CATSPERG: variants seen among roughly 807,000 people sequenced by gnomAD.
The protein encoded by CATSPERG is cation channel sperm-associated auxiliary subunit gamma.
CATSPERG carries 115 observed loss-of-function variants against 145.0 expected under a neutral mutation model. That is an observed-to-expected ratio of 0.79 (90% confidence interval 0.68 to 0.93). The LOEUF is 0.93. CATSPERG is among the 40% of genes least tolerant of loss of function. The pLI, the probability that CATSPERG is intolerant of heterozygous loss-of-function variation, is 0.00. For missense variants in CATSPERG, 1,296 were observed against 1,490.1 expected (o/e 0.87, Z 2.14); for synonymous variants, 588 against 589.0 (o/e 1.00, Z 0.02).
intron 20 of CATSPERG, among the ~76,000 whole-genome samples, chr19:38,364,287 G>C (rs1230743653): frequency 2.0e-5 from 3 of 152,084 alleles, no homozygotes; most frequent in Admixed American, 6.5e-5. Flanking sequence ...TTCTCAGACA[G>C]GGCGGCTGGG....
chr19:38,362,582 CG>C lies in CATSPERG; in HGVS notation c.2356+11del. ...GGACGCAGTCAGAACTCGGTCTGCG[CG>C]GGACCAGAGTGGAGCCCGAAGGGCG... On this transcript the variant is annotated intron_variant, in intron 19 of 28. Transcript: ENST00000409235. The C allele has an allele frequency of 6.2e-7, 1 of 1,612,586 alleles. No homozygotes were observed. The highest frequency in any genetic ancestry group is 8.5e-7 in the Non-Finnish European group (1 of 1,179,456).
At chr19:38,349,506 GTC>G (rs764178853) in intron 7 of CATSPERG, 3 of 152,216 alleles carry the variant, frequency 2.0e-5, no homozygotes, top group Admixed American at 6.6e-5. Context: ...CCCTGCTCCT[GTC>G]TCTCTCCACC....
chr19:38,357,976 A>C, intron 11 of CATSPERG: 1 of 300,382 alleles, frequency 3.3e-6, no homozygotes, highest in Non-Finnish European at 6.2e-6. Flanking sequence ...TTAGCTGGGC[A>C]TGGTGGTGGT....
intron 13 of CATSPERG, among the ~76,000 whole-genome samples, chr19:38,359,084 A>G (rs993293553): frequency 2.0e-5 from 3 of 152,194 alleles, no homozygotes; most frequent in Admixed American, 1.3e-4. Context: ...TCTTGACCTC[A>G]GGTGATCCTC....
intron 6 of CATSPERG, among the ~76,000 whole-genome samples, chr19:38,344,766 C>T (rs1202914283): frequency 8.1e-6 from 1 of 122,906 alleles, no homozygotes; most frequent in Middle Eastern, 4.2e-3. Context: ...ATAGTACATA[C>T]CTGTACATAC....
Position 38,360,752 on chromosome 19 carries a change from C to G in CATSPERG, c.1789C>G (p.Gln597Glu), listed in dbSNP as rs779808396. The G allele has an allele frequency of 1.9e-6, 3 of 1,613,986 alleles. No homozygotes were observed. In the East Asian group the frequency reaches 6.7e-5, roughly 36 times the overall value. The change falls in exon 16 of 29, where the codon CAG becomes GAG. Residue 597 changes from glutamine (Q) to glutamate (E), a missense_variant. Gln to Glu is a conservative substitution (Grantham distance 29, BLOSUM62 2). Coordinates refer to ENST00000409235, the MANE Select transcript of CATSPERG (RefSeq NM_021185.5). The part of the protein sequence containing the change: ...LYQLVYLMNN[Q>E]KGQLVKRLVP... ...GCAGCTGGTGTACCTTATGAACAACCAGAAGGGCCAGCTGGTCAAGAGGCT... is the reference window on the plus strand; with the variant it reads ...GCAGCTGGTGTACCTTATGAACAACGAGAAGGGCCAGCTGGTCAAGAGGCT...
rs145923932 is a variant in CATSPERG at position 38,337,211 on chromosome 19, C to T, written c.-14-10C>T. 3.2e-3 allele frequency: 4,960 copies of T among 1,548,548 alleles called. 17 individuals are homozygous for T. Among genetic ancestry groups the T allele is most frequent in the Non-Finnish European group, 4.1e-3 (4,662 of 1,145,526 alleles). ...TCCGGCGCGTGGGTGTTGACTCCTG[C>T]GTTCTCCAGGTTCTAGCCACGTTAT... On this transcript the variant is annotated splice_polypyrimidine_tract_variant and intron_variant, in intron 1 of 28. Transcript: ENST00000409235.
chr19:38,354,694 A>C lies in CATSPERG; in HGVS notation c.998-16A>C. On this transcript the variant is annotated splice_polypyrimidine_tract_variant and intron_variant, in intron 8 of 28. Coordinates refer to ENST00000409235, the MANE Select transcript of CATSPERG (RefSeq NM_021185.5). ...TCCAACCACCTGGGTCTGAGGCCCC[A>C]TACTGACTTCACTAGGCAGTTGGAT... 1.2e-6 allele frequency: 2 copies of C among 1,613,492 alleles called. No individual in the cohort carries two copies. The highest frequency in any genetic ancestry group is 1.7e-6 in the Non-Finnish European group (2 of 1,179,548).
intron 8 of CATSPERG, 159 bp downstream of exon 8, chr19:38,352,591 T>G: frequency 1.8e-6 from 1 of 556,684 alleles, no homozygotes. Context: ...GGCCTTGCCT[T>G]GCCCTTTTTT....
Position 38,361,672 on chromosome 19 carries a change from C to T in CATSPERG, c.1905C>T (p.Ile635=), listed in dbSNP as rs766389223. 1.9e-5 allele frequency: 31 copies of T among 1,611,208 alleles called. No individual in the cohort carries two copies. The highest frequency in any genetic ancestry group is 2.5e-5 in the Non-Finnish European group (30 of 1,179,882). ...RKGGYLMLSF[I]DFCPFSVMRL... Reference sequence around the variant, plus strand: ...GGGGCTACTTGATGCTCTCCTTCATCGACTTCTGCCCCTTCTCGGTGATGC... The same window carrying T: ...GGGGCTACTTGATGCTCTCCTTCATTGACTTCTGCCCCTTCTCGGTGATGC... The change falls in exon 17 of 29, where the codon ATC becomes ATT. Residue 635 remains isoleucine, a synonymous_variant. Transcript: ENST00000409235.
chr19:38,362,871 GTTTTTTTTTT>G, intron 20 of CATSPERG, 39 bp downstream of exon 20: 7 of 451,882 alleles, frequency 1.5e-5, no homozygotes, highest in Admixed American at 7.7e-5. Flanking sequence ...GGGAGGTTTT[GTTTTTTTTTT>G]TTTTTTTTTT....
In CATSPERG at chr19:38,370,782, T is replaced by C. The variant is rs746719841; in HGVS notation, c.3470T>C (p.Leu1157Ser). Residue 1157 changes from leucine (L) to serine (S), a missense_variant, in exon 29 of 29, where the codon TTG becomes TCG. By Grantham distance (145) the Leu-to-Ser change is moderately radical. Transcript: ENST00000409235. ...AEPKEAVERQ[L>S]MT ...CCCAAGGAAGCCGTGGAGAGACAGT[T>C]GATGACCTGAGTGTCCCACCTGCCC... The C allele has an allele frequency of 1.2e-5, 19 of 1,613,360 alleles. No homozygotes were observed. Among genetic ancestry groups the C allele is most frequent in the African/African-American group, 2.7e-5 (2 of 74,850 alleles).
rs1199646401 is a variant in CATSPERG at position 38,361,650 on chromosome 19, GC to G, written c.1884del (p.Tyr629ThrfsTer2). 6.2e-7 allele frequency: 1 copy of G among 1,609,212 alleles called. No individual in the cohort carries two copies. Among genetic ancestry groups the G allele is most frequent in the African/African-American group, 1.3e-5 (1 of 74,842 alleles). ...CTTTCCCCCTTGCCACTGCCCAGGGGCTACTTGATGCTCTCCTTCATCGACT... is the reference window on the plus strand; with the variant it reads ...CTTTCCCCCTTGCCACTGCCCAGGGGTACTTGATGCTCTCCTTCATCGACT... ...TSHYDLERKG[G>X]YLMLSFIDFC... is the part of the protein sequence containing the mutation. On this transcript the variant is annotated frameshift_variant, in exon 17 of 29. Transcript: ENST00000409235. LOFTEE classifies it high-confidence loss of function.
chr19:38,349,363 C>T (rs140056911), intron 7 of CATSPERG: 2 of 152,244 alleles, frequency 1.3e-5, no homozygotes, highest in East Asian at 3.9e-4. Context: ...AACTCCTGAC[C>T]TCAAGCCATC....
chr19:38,367,310 A>G lies in CATSPERG; in HGVS notation c.2768A>G (p.Asp923Gly). The part of the protein sequence containing the change: ...NPEMPCFLFR[D>G]IFYPFFLIQD... Reference sequence around the variant, plus strand: ...GAGATGCCCTGCTTTCTCTTCCGGGACAGTGTGTGTCCAGTCCCTTCCCCT... The same window carrying G: ...GAGATGCCCTGCTTTCTCTTCCGGGGCAGTGTGTGTCCAGTCCCTTCCCCT... The change falls in exon 23 of 29, where the codon GAC (aspartate) becomes GGC (glycine). Residue 923 changes from aspartate (D) to glycine (G), a missense_variant and splice_region_variant. Transcript: ENST00000409235. The G allele has an allele frequency of 6.2e-7, 1 of 1,610,738 alleles. No individual in the cohort carries two copies. Among genetic ancestry groups the G allele is most frequent in the Non-Finnish European group, 8.5e-7 (1 of 1,179,336 alleles).
At chr19:38,358,843 T>A (rs553720003) in intron 13 of CATSPERG, among the ~76,000 whole-genome samples, 1 of 151,598 alleles carries the variant, frequency 6.6e-6, no homozygotes, top group East Asian at 1.9e-4. Context: ...TTTCTAGGGT[T>A]TTTTTTTGTT....
In CATSPERG at chr19:38,338,592, A is replaced by G. The variant is rs188690688; in HGVS notation, c.324+946A>G. ...GGCTGGAGTGCAATGGTGAAATCAC[A>G]GCTCATTGCAGCCTTGACCTCCTGG... On this transcript the variant is annotated intron_variant, in intron 3 of 28. Transcript: ENST00000409235. Among the ~76,000 whole-genome samples the G allele has an allele frequency of 2.3e-3, 346 of 152,156 alleles. 1 individual carries two copies. Among genetic ancestry groups the G allele is most frequent in the Non-Finnish European group, 3.7e-3 (249 of 67,976 alleles).
intron 6 of CATSPERG, among the ~76,000 whole-genome samples, chr19:38,344,899 ATAT>A (rs1410450120): frequency 8.6e-5 from 8 of 93,096 alleles, no homozygotes; most frequent in African/African-American, 2.1e-4. Flanking sequence ...ATATATATAT[ATAT>A]TTTTTTTTTT....
chr19:38,360,841 A>T lies in CATSPERG; in HGVS notation c.1878A>T (p.Lys626Asn), dbSNP rs1287524033. 1 of 1,608,252 alleles carries T rather than the reference A, an allele frequency of 6.2e-7. No homozygotes were observed. The highest frequency in any genetic ancestry group is 8.5e-7 in the Non-Finnish European group (1 of 1,176,810). ...CCAGCCACTATGACTTGGAGCGGAA[A>T]GGGTGAGAAGACACCGGACCATGAC... ...QHTSHYDLERKGGYLMLSFID... is the reference protein window; with the variant it reads ...QHTSHYDLERNGGYLMLSFID... Residue 626 changes from lysine to asparagine, a missense_variant and splice_region_variant, in exon 16 of 29, where the codon AAA (lysine) becomes AAT (asparagine). Coordinates refer to ENST00000409235, the MANE Select transcript of CATSPERG (RefSeq NM_021185.5).
Sources: gnomAD v4.1 joint callset for allele counts (sites outside exome capture counted in the v4.1 genomes callset) on GRCh38, gnomAD v4.1.1 for gene constraint, MANE v1.5 for transcripts, NCBI Gene and HGNC (gene_info 2026-07-23, HGNC 2026-07-21) for gene names.